PIP4K2B: variants seen among roughly 807,000 people sequenced by gnomAD.
PIP4K2B encodes phosphatidylinositol-5-phosphate 4-kinase type 2 beta, also known as phosphatidylinositol 5-phosphate 4-kinase type-2 beta.
PIP4K2B carries 3 observed loss-of-function variants against 42.0 expected under a neutral mutation model. That is an observed-to-expected ratio of 0.07 (90% CI 0.03 to 0.18). PIP4K2B has a LOEUF of 0.18. PIP4K2B is among the 10% of genes least tolerant of loss of function. The probability of loss-of-function intolerance (pLI) is 1.00; values close to 1 mark genes in which losing one functional copy is unlikely to be tolerated. For missense variants in PIP4K2B, 332 were observed against 562.3 expected (o/e 0.59, Z 4.14); for synonymous variants, 204 against 210.1 (o/e 0.97, Z 0.25).
At chr17:38,788,173 A>G (rs1029206266) in intron 1 of PIP4K2B, among the ~76,000 whole-genome samples, 5 of 138,558 alleles carry the variant, frequency 3.6e-5, no homozygotes, top group Non-Finnish European at 1.6e-5. Context: ...AAGGTAATAG[A>G]TTAAATTTAT....
intron 1 of PIP4K2B, among the ~76,000 whole-genome samples, chr17:38,797,671 T>G (rs1418245495): frequency 6.6e-6 from 1 of 152,198 alleles, no homozygotes; most frequent in Non-Finnish European, 1.5e-5. Context: ...TACAGACAGG[T>G]TGCTTTCTGT....
At position 38,780,499 on chromosome 17, in the gene PIP4K2B, T is replaced by C; in HGVS notation, c.460A>G (p.Ser154Gly). Residue 154 changes from serine to glycine, a missense_variant, in exon 4 of 10, where the codon AGC becomes GGC. Coordinates refer to ENST00000619039, the MANE Select transcript of PIP4K2B (RefSeq NM_003559.5). ...TTGTGCATCTCCGCCACGTCCTCGC[T>C]GGACACAGTCTTGATGACAAAGCGC... is the stretch of plus-strand genomic sequence containing the variant. ...DRRFVIKTVS[S>G]EDVAEMHNIL... The C allele has an allele frequency of 6.2e-7, 1 of 1,613,922 alleles. No homozygotes were observed. Among genetic ancestry groups the C allele is most frequent in the South Asian group, 1.1e-5 (1 of 91,076 alleles).
chr17:38,793,633 G>T (rs1017849830), intron 1 of PIP4K2B, among the ~76,000 whole-genome samples: 4 of 152,186 alleles, frequency 2.6e-5, no homozygotes, highest in African/African-American at 9.6e-5. Flanking sequence ...CACTTTGGAA[G>T]ACCGAGGTGG....
intron 3 of PIP4K2B, among the ~76,000 whole-genome samples, chr17:38,782,081 G>A (rs898786224): frequency 1.3e-5 from 2 of 152,176 alleles, no homozygotes; most frequent in African/African-American, 4.8e-5. Context: ...GAGGTGGTAA[G>A]CAGCTCTGGG....
intron 1 of PIP4K2B, among the ~76,000 whole-genome samples, chr17:38,794,741 C>A (rs574647832): frequency 6.7e-6 from 1 of 150,250 alleles, no homozygotes; most frequent in South Asian, 2.1e-4. Flanking sequence ...ACAACAACAA[C>A]AAAAAAGATA....
intron 4 of PIP4K2B, chr17:38,779,752 A>C: frequency 1.9e-6 from 1 of 523,506 alleles, no homozygotes; most frequent in South Asian, 3.1e-5. Context: ...AGGCAAGCTG[A>C]GCAGGTGGCT....
chr17:38,778,808 G>C (rs572223752), intron 5 of PIP4K2B, among the ~76,000 whole-genome samples: 198 of 152,292 alleles, frequency 1.3e-3, no homozygotes, highest in Non-Finnish European at 2.4e-3. Flanking sequence ...GAGCTCAGAA[G>C]GGTAAGGAGG....
chr17:38,789,979 G>A (rs570098611), intron 1 of PIP4K2B, among the ~76,000 whole-genome samples: 1 of 152,296 alleles, frequency 6.6e-6, no homozygotes, highest in South Asian at 2.1e-4. Context: ...AGGGACATGA[G>A]AAGTGTGATT....
chr17:38,788,620 G>A (rs1460000828), intron 1 of PIP4K2B, among the ~76,000 whole-genome samples: 2 of 152,062 alleles, frequency 1.3e-5, no homozygotes, highest in Non-Finnish European at 2.9e-5. Context: ...ACTTTGGAAG[G>A]CCAAGGCAGG....
At chr17:38,788,477 G>A (rs1052898639) in intron 1 of PIP4K2B, among the ~76,000 whole-genome samples, 1 of 151,946 alleles carries the variant, frequency 6.6e-6, no homozygotes, top group Non-Finnish European at 1.5e-5. Context: ...TGGGATTACA[G>A]GCATGAGCCA....
At chr17:38,790,693 G>A (rs937324769) in intron 1 of PIP4K2B, among the ~76,000 whole-genome samples, 12 of 152,054 alleles carry the variant, frequency 7.9e-5, no homozygotes, top group African/African-American at 2.2e-4. Context: ...TCCTGACCTC[G>A]TGATCTGCCT....
chr17:38,798,792 A>G (rs228232), intron 1 of PIP4K2B, among the ~76,000 whole-genome samples: 51,829 of 151,990 alleles, frequency 0.34, 10,926 homozygotes, highest in African/African-American at 0.6. Context: ...TGGAGGATGG[A>G]AGAATTTGAG....
rs1432056352 is a variant in PIP4K2B, at chr17:38,766,358, AC to A, written c.*3332del. On this transcript the variant is annotated 3_prime_UTR_variant, in exon 10 of 10. Coordinates refer to ENST00000619039, the MANE Select transcript of PIP4K2B (RefSeq NM_003559.5). The stretch of plus-strand genomic sequence containing the variant: ...CCTTCTAGCCCCCAACACCTGAGTA[AC>A]TCACATGCTGGGGTGCTGCAGTTTT... 5 of 152,686 alleles carry A rather than the reference AC, an allele frequency of 3.3e-5. No homozygotes were observed. Among genetic ancestry groups the A allele is most frequent in the Non-Finnish European group, 7.3e-5 (5 of 68,094 alleles). The allele number at this position is 152,686 out of a possible 1,614,324, so 9.5% of individuals were successfully genotyped here.
chr17:38,784,487 C>A (rs181673881), intron 2 of PIP4K2B, 148 bp from the exon 3 acceptor site: 10 of 549,282 alleles, frequency 1.8e-5, no homozygotes, highest in African/African-American at 1.7e-4. Context: ...CCTCCCACCT[C>A]AGCCTCCCAA....
chr17:38,769,681 T>C lies in PIP4K2B; in HGVS notation c.*10A>G. 1 of 1,441,208 alleles carries C rather than the reference T, an allele frequency of 6.9e-7. No homozygotes were observed. The highest frequency in any genetic ancestry group is 9.8e-7 in the Non-Finnish European group (1 of 1,022,328). 89.3% of individuals were successfully genotyped at this position (1,441,208 alleles called of 1,614,324 possible). A position where few individuals can be genotyped will look rare whatever the true frequency, so the allele number is the denominator to read the frequency against. On this transcript the variant is annotated 3_prime_UTR_variant, in exon 10 of 10. Coordinates refer to ENST00000619039, the MANE Select transcript of PIP4K2B (RefSeq NM_003559.5). ...CCAGCTCTCTGGCTCTGGCTGAAGG[T>C]AGAAGAGAACTACGTCAGGATGTTG...
In PIP4K2B at chr17:38,799,555, T is replaced by C. The variant is rs1305859239; in HGVS notation, c.-131A>G. ...CCGCGCCATGGTCGCGCCCGTCCCG[T>C]TACCTCCCACCCCGCCCCGGTGGTT... On this transcript the variant is annotated 5_prime_UTR_variant, in exon 1 of 10. Transcript: ENST00000619039. The surrounding 1 kb of genome is among the most constrained non-coding windows in gnomAD (Gnocchi z 4.4). 1 of 1,249,532 alleles carries C rather than the reference T, an allele frequency of 8.0e-7. No homozygotes were observed. Among genetic ancestry groups the C allele is most frequent in the Admixed American group, 4.4e-5 (1 of 22,944 alleles). 77.4% of individuals were successfully genotyped at this position (1,249,532 alleles called of 1,614,324 possible).
chr17:38,795,435 T>C (rs1418254827), intron 1 of PIP4K2B, among the ~76,000 whole-genome samples: 3 of 152,042 alleles, frequency 2.0e-5, no homozygotes, highest in African/African-American at 7.2e-5. Context: ...AGCGAGACCC[T>C]GTCTCTACAA....
At chr17:38,777,276 G>A (rs1010101929) in intron 7 of PIP4K2B, among the ~76,000 whole-genome samples, 1 of 152,006 alleles carries the variant, frequency 6.6e-6, no homozygotes, top group African/African-American at 2.4e-5. Flanking sequence ...TGTTGCCTAG[G>A]CTGGTATTGA....
At position 38,778,251 on chromosome 17, in the gene PIP4K2B, G is replaced by T; in HGVS notation, c.693+83C>A. The T allele has an allele frequency of 4.1e-6, 5 of 1,232,042 alleles. No homozygotes were observed. The Admixed American group carries it at 6.7e-5, about 17-fold the overall frequency. 76.3% of individuals were successfully genotyped at this position (1,232,042 alleles called of 1,614,324 possible). A position where few individuals can be genotyped will look rare whatever the true frequency, so the allele number is the denominator to read the frequency against. ...ATGTCTGGGAGCTGGGCTAGGGGCT[G>T]GGGTGGGCGAGGGACAGGATGGCCG... On this transcript the variant is annotated intron_variant, in intron 6 of 9. Coordinates refer to ENST00000619039, the MANE Select transcript of PIP4K2B (RefSeq NM_003559.5).
Sources: allele counts gnomAD v4.1 joint callset (sites outside exome capture counted in the v4.1 genomes callset), GRCh38; gene constraint gnomAD v4.1.1; non-coding constraint Gnocchi (gnomAD v3.1); transcripts MANE v1.5; gene names NCBI Gene and HGNC (gene_info 2026-07-23, HGNC 2026-07-21).